ROBO1: variants seen among roughly 807,000 people sequenced by gnomAD.
ROBO1 encodes the protein roundabout guidance receptor 1.
Under a neutral mutation model 195.9 loss-of-function variants are expected in ROBO1, and 149 were observed. That is an observed-to-expected ratio of 0.76 (90% confidence interval 0.67 to 0.87). The LOEUF is 0.87. Among genes scored for constraint, ROBO1 ranks in the 40% least tolerant of loss-of-function variants. The pLI is 0.00. For synonymous variants in ROBO1, 816 were observed against 733.2 expected (o/e 1.11, Z -1.82); for missense variants, 1,933 against 2,068.3 (o/e 0.93, Z 1.27).
intron 4 of ROBO1, among the ~76,000 whole-genome samples, chr3:78,861,182 A>C (rs2034814745): frequency 6.6e-6 from 1 of 152,170 alleles, no homozygotes; most frequent in African/African-American, 2.4e-5. Flanking sequence ...CTCACTCAGA[A>C]AATCTATTCA....
At chr3:79,029,505 C>A (rs1053283693) in intron 3 of ROBO1, among the ~76,000 whole-genome samples, 1 of 152,106 alleles carries the variant, frequency 6.6e-6, no homozygotes, top group Non-Finnish European at 1.5e-5. Context: ...ACCACATTGT[C>A]CACTACACTA....
rs148430685 is a variant in ROBO1, at chr3:79,247,009, C to T, written c.89-121470G>A. Among the ~76,000 whole-genome samples, 20 of 151,908 alleles carry T rather than the reference C, an allele frequency of 1.3e-4. No individual in the cohort carries two copies. In the East Asian group the frequency reaches 3.1e-3, roughly 24 times the overall value. On this transcript the variant is annotated intron_variant, in intron 2 of 30. Coordinates refer to ENST00000464233, the MANE Select transcript of ROBO1 (RefSeq NM_002941.4). The stretch of plus-strand genomic sequence containing the variant: ...AAATAAATGCCAGTTATTATAACTG[C>T]CATTATTGTCAGGCAGTCTTTGGCT...
In ROBO1 at chr3:79,380,253, T is replaced by C. The variant is rs117078308; in HGVS notation, c.88+209571A>G. ...TTCCTTCAATTATAGGAAAGGATTGTCATTTTTCTTTGTAAAACTCTATCT... is the reference window on the plus strand; with the variant it reads ...TTCCTTCAATTATAGGAAAGGATTGCCATTTTTCTTTGTAAAACTCTATCT... On this transcript the variant is annotated intron_variant, in intron 2 of 30. Transcript: ENST00000464233. Among the ~76,000 whole-genome samples, 174 of 152,308 alleles carry C rather than the reference T, an allele frequency of 1.1e-3. 2 individuals are homozygous for C. In the East Asian group the frequency reaches 0.022, roughly 19 times the overall value.
At chr3:79,150,903 C>T (rs1006460936) in intron 2 of ROBO1, among the ~76,000 whole-genome samples, 8 of 151,270 alleles carry the variant, frequency 5.3e-5, no homozygotes, top group Non-Finnish European at 8.9e-5. Context: ...TAATTCCCTG[C>T]CCCAGCCCCT....
chr3:79,173,185 AC>A (rs2081197121), intron 2 of ROBO1, among the ~76,000 whole-genome samples: 2 of 152,046 alleles, frequency 1.3e-5, no homozygotes, highest in Non-Finnish European at 1.5e-5. Context: ...GGCAGCCCTC[AC>A]AGCCCTCACT....
chr3:78,855,187 ACTTACG>A (rs2034339155), intron 4 of ROBO1, among the ~76,000 whole-genome samples: 1 of 152,074 alleles, frequency 6.6e-6, no homozygotes, highest in South Asian at 2.1e-4. Context: ...TACCTTGATC[ACTTACG>A]CTGATTTCAT....
intron 1 of ROBO1, among the ~76,000 whole-genome samples, chr3:79,665,479 G>A (rs1269602707): frequency 1.3e-5 from 2 of 151,738 alleles, no homozygotes; most frequent in African/African-American, 4.8e-5. Flanking sequence ...ATTAGAAATT[G>A]AAATATTCCT....
intron 4 of ROBO1, among the ~76,000 whole-genome samples, chr3:78,788,761 C>A (rs76335493): frequency 1.1e-3 from 165 of 152,038 alleles, no homozygotes; most frequent in African/African-American, 3.8e-3. Context: ...GCTTTTTATT[C>A]AAATTGGCAA....
intron 1 of ROBO1, among the ~76,000 whole-genome samples, chr3:79,726,694 G>T (rs561736044): frequency 3.3e-5 from 5 of 152,256 alleles, no homozygotes; most frequent in African/African-American, 1.2e-4. Flanking sequence ...GCAAGGCTTT[G>T]CTGGTGCTTT....
intron 2 of ROBO1, among the ~76,000 whole-genome samples, chr3:79,425,491 C>T (rs1023890455): frequency 3.9e-5 from 6 of 152,054 alleles, no homozygotes; most frequent in African/African-American, 1.2e-4. Flanking sequence ...TCAATCACAA[C>T]AGTATAAGCC....
intron 26 of ROBO1, 138 bp from the exon 27 acceptor site, chr3:78,618,179 T>A: frequency 1.2e-6 from 1 of 853,108 alleles, no homozygotes; most frequent in Non-Finnish European, 1.7e-6. Flanking sequence ...AACAACTGAA[T>A]ATCACAATAT....
intron 1 of ROBO1, among the ~76,000 whole-genome samples, chr3:79,618,090 T>C (rs1018189166): frequency 5.9e-5 from 9 of 151,574 alleles, no homozygotes; most frequent in African/African-American, 2.2e-4. Context: ...AAAAGAATTT[T>C]TAAAAAATGA....
At chr3:79,449,559 T>C (rs188464769) in intron 2 of ROBO1, among the ~76,000 whole-genome samples, 67 of 152,260 alleles carry the variant, frequency 4.4e-4, no homozygotes, top group African/African-American at 1.5e-3. Context: ...GATAAATGAG[T>C]ACATTAATGA....
At chr3:79,095,649 GTTGTT>G (rs2079553449) in intron 3 of ROBO1, among the ~76,000 whole-genome samples, 1 of 152,036 alleles carries the variant, frequency 6.6e-6, no homozygotes, top group African/African-American at 2.4e-5. Context: ...ATAAATAATT[GTTGTT>G]TTAAGCTGCT....
intron 2 of ROBO1, among the ~76,000 whole-genome samples, chr3:79,239,287 A>G (rs1376275346): frequency 6.6e-6 from 1 of 152,240 alleles, no homozygotes; most frequent in Non-Finnish European, 1.5e-5. Context: ...AACAGGTATC[A>G]TGTAAAAGTT....
At chr3:79,633,727 TA>T (rs11328587) in intron 1 of ROBO1, among the ~76,000 whole-genome samples, 130,481 of 151,356 alleles carry the variant, frequency 0.86, 56,290 homozygotes, top group East Asian at 0.9. Flanking sequence ...AATAGTGATT[TA>T]AAAAAAAACA....
At chr3:79,364,022 G>T (rs1040691672) in intron 2 of ROBO1, among the ~76,000 whole-genome samples, 2 of 151,850 alleles carry the variant, frequency 1.3e-5, no homozygotes, top group East Asian at 3.9e-4. Flanking sequence ...GGCTAACATG[G>T]TGAAACTCCG....
At chr3:79,499,309 A>G (rs1016603639) in intron 2 of ROBO1, among the ~76,000 whole-genome samples, 3 of 152,174 alleles carry the variant, frequency 2.0e-5, no homozygotes, top group Non-Finnish European at 4.4e-5. Flanking sequence ...ACCAGTCTTT[A>G]AAAACAATTT....
intron 2 of ROBO1, among the ~76,000 whole-genome samples, chr3:79,338,726 C>A (rs1022233290): frequency 2.0e-5 from 3 of 152,020 alleles, no homozygotes; most frequent in Non-Finnish European, 4.4e-5. Flanking sequence ...ACCTTCGGAT[C>A]TTTTTTCTAT....
Sources: gnomAD v4.1 joint callset for allele counts (sites outside exome capture counted in the v4.1 genomes callset) on GRCh38, gnomAD v4.1.1 for gene constraint, MANE v1.5 for transcripts, NCBI Gene and HGNC (gene_info 2026-07-23, HGNC 2026-07-21) for gene names.